Variants in NMNAT2 observed in about 807,000 individuals in gnomAD.
The protein encoded by NMNAT2 is nicotinamide/nicotinic acid mononucleotide adenylyltransferase 2.
NMNAT2 carries 11 observed loss-of-function variants against 41.6 expected under a neutral mutation model. The ratio of observed to expected loss-of-function variants is 0.26; its 90% CI spans 0.17 to 0.44. The LOEUF (loss-of-function observed/expected upper bound fraction) is 0.44. Ranked by LOEUF, NMNAT2 falls within the 20% of genes least tolerant of loss-of-function variation. NMNAT2 has a pLI of 1.00. For synonymous variants in NMNAT2, 148 were observed against 151.2 expected (o/e 0.98, Z 0.16); for missense variants, 288 against 407.7 (o/e 0.71, Z 2.53).
intron 7 of NMNAT2, 51 bp downstream of exon 7, chr1:183,283,944 G>A: frequency 1.9e-6 from 3 of 1,576,420 alleles, no homozygotes; most frequent in Non-Finnish European, 1.7e-6. Context: ...TGTCGTGAAG[G>A]CAGGGAGCTC....
chr1:183,352,120 G>T (rs925711949), intron 1 of NMNAT2, among the ~76,000 whole-genome samples: 4 of 152,154 alleles, frequency 2.6e-5, no homozygotes, highest in Non-Finnish European at 4.4e-5. Context: ...AAAAGTGTCC[G>T]TTGTTGGGCA....
rs779453814 is a variant in NMNAT2, at chr1:183,250,737, C to T, written c.*1904G>A. ...CACTGATACCCCAAAATAGGATTTT[C>T]CTTCCTTCCTCTGAAGATTATTTCA... is the stretch of plus-strand genomic sequence containing the variant. On this transcript the variant is annotated 3_prime_UTR_variant, in exon 11 of 11. Coordinates refer to ENST00000287713, the MANE Select transcript of NMNAT2 (RefSeq NM_015039.4). 6.6e-6 allele frequency: 1 copy of T among 152,580 alleles called. No individual in the cohort carries two copies. Among genetic ancestry groups the T allele is most frequent in the Non-Finnish European group, 1.5e-5 (1 of 68,012 alleles). 9.5% of individuals were successfully genotyped at this position (152,580 alleles called of 1,614,324 possible).
At chr1:183,348,100 C>T (rs1042544438) in intron 1 of NMNAT2, among the ~76,000 whole-genome samples, 14 of 152,092 alleles carry the variant, frequency 9.2e-5, no homozygotes, top group African/African-American at 3.4e-4. Flanking sequence ...ATATAAAATG[C>T]CCTGCTCTTT....
intron 1 of NMNAT2, among the ~76,000 whole-genome samples, chr1:183,298,047 A>G (rs1172042928): frequency 6.6e-6 from 1 of 152,210 alleles, no homozygotes; most frequent in African/African-American, 2.4e-5. Flanking sequence ...ATAGAAAGAA[A>G]CGTCCTCGAC....
chr1:183,389,459 C>T (rs915191735), intron 1 of NMNAT2, among the ~76,000 whole-genome samples: 10 of 152,102 alleles, frequency 6.6e-5, no homozygotes, highest in African/African-American at 2.4e-4. Flanking sequence ...TACATAACCT[C>T]TCGCCACCTA....
intron 1 of NMNAT2, among the ~76,000 whole-genome samples, chr1:183,365,630 C>A (rs935705230): frequency 5.9e-5 from 9 of 151,806 alleles, no homozygotes; most frequent in African/African-American, 1.9e-4. Context: ...TGGTGGCGTG[C>A]ACCTAGCTGA....
intron 1 of NMNAT2, among the ~76,000 whole-genome samples, chr1:183,379,991 A>C (rs1251024010): frequency 6.6e-6 from 1 of 152,194 alleles, no homozygotes; most frequent in Non-Finnish European, 1.5e-5. Context: ...TTGTACTTCG[A>C]TGTTCTGCCA....
At position 183,253,904 on chromosome 1, in the gene NMNAT2, C is replaced by CGTGTGT. The variant is rs139756017; in HGVS notation, c.822-1167_822-1162dup. On this transcript the variant is annotated intron_variant, in intron 10 of 10. Coordinates refer to ENST00000287713, the MANE Select transcript of NMNAT2 (RefSeq NM_015039.4). ...TTTAAGTCGAATAATGTTCCACTTC[C>CGTGTGT]GTGTGTGTGTGTGTGTGTGTGTGTG... Among the ~76,000 whole-genome samples, 717 of 144,354 alleles carry CGTGTGT rather than the reference C, an allele frequency of 5.0e-3. 3 individuals are homozygous for CGTGTGT. The highest frequency in any genetic ancestry group is 5.9e-3 in the Non-Finnish European group (384 of 65,294). The allele number at this position is 144,354 out of a possible 152,430, so 94.7% of individuals were successfully genotyped here. A position where few individuals can be genotyped will look rare whatever the true frequency, so the allele number is the denominator to read the frequency against.
chr1:183,397,774 G>A (rs140266310), intron 1 of NMNAT2, among the ~76,000 whole-genome samples: 2,931 of 152,262 alleles, frequency 0.019, 67 homozygotes, highest in African/African-American at 0.055. Flanking sequence ...TTAAAGAAAA[G>A]AATTTTCAAC....
chr1:183,361,116 C>T (rs1663298392), intron 1 of NMNAT2, among the ~76,000 whole-genome samples: 1 of 152,148 alleles, frequency 6.6e-6, no homozygotes, highest in Admixed American at 6.6e-5. Flanking sequence ...TCAATACATG[C>T]CAATCACTGT....
At chr1:183,381,898 T>C (rs567420091) in intron 1 of NMNAT2, among the ~76,000 whole-genome samples, 13 of 152,334 alleles carry the variant, frequency 8.5e-5, no homozygotes, top group African/African-American at 2.9e-4. Context: ...AATCTTGTTC[T>C]AGATCACATA....
chr1:183,399,343 C>A (rs1392737700), intron 1 of NMNAT2, among the ~76,000 whole-genome samples: 1 of 151,928 alleles, frequency 6.6e-6, no homozygotes, highest in African/African-American at 2.4e-5. Context: ...ACATATACAC[C>A]CTCCCAAGAC....
At chr1:183,277,387 G>A (rs1280420641) in intron 8 of NMNAT2, among the ~76,000 whole-genome samples, 1 of 151,878 alleles carries the variant, frequency 6.6e-6, no homozygotes, top group African/African-American at 2.4e-5. Flanking sequence ...GGAGGCTGAG[G>A]CAGAAGAATC....
intron 1 of NMNAT2, among the ~76,000 whole-genome samples, chr1:183,403,488 G>A (rs1210777232): frequency 6.6e-6 from 1 of 150,806 alleles, no homozygotes; most frequent in East Asian, 2.0e-4. Flanking sequence ...GTAGCCATGG[G>A]GAGCCCCCAC....
intron 1 of NMNAT2, among the ~76,000 whole-genome samples, chr1:183,365,842 C>T (rs867263741): frequency 6.6e-6 from 1 of 152,150 alleles, no homozygotes; most frequent in Non-Finnish European, 1.5e-5. Flanking sequence ...GGACACTTGT[C>T]ACGATGTTTT....
chr1:183,296,635 C>T (rs1313862431), intron 1 of NMNAT2, among the ~76,000 whole-genome samples: 2 of 152,040 alleles, frequency 1.3e-5, no homozygotes, highest in African/African-American at 4.8e-5. Flanking sequence ...GCCTCAGCCT[C>T]ATAGGTAGCT....
chr1:183,272,936 G>A (rs1661022708), intron 8 of NMNAT2, among the ~76,000 whole-genome samples: 1 of 152,244 alleles, frequency 6.6e-6, no homozygotes, highest in African/African-American at 2.4e-5. Flanking sequence ...TCTGTCCCCA[G>A]TCATGGGCAG....
chr1:183,248,876 T>C lies in NMNAT2; in HGVS notation c.*3765A>G, dbSNP rs1227123532. 2 of 150,784 alleles carry C rather than the reference T, an allele frequency of 1.3e-5. No homozygotes were observed. Among genetic ancestry groups the C allele is most frequent in the African/African-American group, 4.9e-5 (2 of 40,810 alleles). 9.3% of individuals were successfully genotyped at this position (150,784 alleles called of 1,614,324 possible). ...AAATGTAATAACATGCTTCTCTCTCTTAGTCCCCTAAAAGAGTGTGTGTGT... is the reference window on the plus strand; with the variant it reads ...AAATGTAATAACATGCTTCTCTCTCCTAGTCCCCTAAAAGAGTGTGTGTGT... On this transcript the variant is annotated 3_prime_UTR_variant, in exon 11 of 11. Coordinates refer to ENST00000287713, the MANE Select transcript of NMNAT2 (RefSeq NM_015039.4).
Position 183,323,363 on chromosome 1 carries a change from C to T in NMNAT2, c.86-29570G>A, listed in dbSNP as rs145167240. 1.5e-3 allele frequency among the ~76,000 whole-genome samples: 229 copies of T among 152,186 alleles called. 1 individual carries two copies. The highest frequency in any genetic ancestry group is 2.4e-3 in the Non-Finnish European group (160 of 68,002). ...GAGTTATCCTTGCTTCCTCTTTCAC[C>T]CTTCACCCTCATATCCCATTCATTG... On this transcript the variant is annotated intron_variant, in intron 1 of 10. Transcript: ENST00000287713.
Sources: gnomAD v4.1 joint callset for allele counts (sites outside exome capture counted in the v4.1 genomes callset) on GRCh38, gnomAD v4.1.1 for gene constraint, MANE v1.5 for transcripts, NCBI Gene and HGNC (gene_info 2026-07-23, HGNC 2026-07-21) for gene names.